The following TTC34 variants were observed in gnomAD, a reference collection of about 807,000 sequenced individuals.
The protein encoded by TTC34 is tetratricopeptide repeat domain 34.
In TTC34, 44 loss-of-function variants were observed where a neutral mutation model predicts 40.7. The observed-to-expected ratio is 1.08, with a 90% CI of 0.85 to 1.39. TTC34 has a LOEUF of 1.39. Ranked by LOEUF, TTC34 falls within the 40% of genes most tolerant of loss-of-function variation. The probability of loss-of-function intolerance (pLI) is 0.00; values close to 1 mark genes in which losing one functional copy is unlikely to be tolerated. For synonymous variants in TTC34, 422 were observed against 398.6 expected (o/e 1.06, Z -0.70); for missense variants, 884 against 838.0 (o/e 1.05, Z -0.68).
chr1:2,695,796 C>A (rs542125680), intron 6 of TTC34, among the ~76,000 whole-genome samples: 1,020 of 148,254 alleles, frequency 6.9e-3, no homozygotes, highest in African/African-American at 0.025. Flanking sequence ...GCACGCACAC[C>A]CCCAGTTGAG....
chr1:2,757,826 C>T (rs1641556845), intron 6 of TTC34, among the ~76,000 whole-genome samples: 1 of 148,808 alleles, frequency 6.7e-6, no homozygotes, highest in Non-Finnish European at 1.5e-5. Context: ...GGAGCAGCAC[C>T]CACACCCCCA....
Position 2,797,309 on chromosome 1 carries a change from G to A in TTC34, c.784+2735C>T, listed in dbSNP as rs532530992. ...CAGATGTCTGCTGGCCTGGGATGGG[G>A]GCTGGGGCACGAGGAAAGGGCAGGG... is the stretch of plus-strand genomic sequence containing the variant. On this transcript the variant is annotated intron_variant, in intron 2 of 8. Coordinates refer to ENST00000401095, the Ensembl canonical transcript of TTC34. 3.3e-5 allele frequency among the ~76,000 whole-genome samples: 5 copies of A among 152,180 alleles called. No homozygotes were observed. In the South Asian group the frequency reaches 6.2e-4, roughly 19 times the overall value.
chr1:2,684,630 T>A (rs1175584799), intron 6 of TTC34, among the ~76,000 whole-genome samples: 2 of 23,842 alleles, frequency 8.4e-5, no homozygotes, highest in African/African-American at 2.1e-4. Context: ...TGGAATGGCA[T>A]CCTCACCTCC....
intron 6 of TTC34, among the ~76,000 whole-genome samples, chr1:2,767,809 C>G (rs1350097187): frequency 6.6e-6 from 1 of 150,684 alleles, no homozygotes; most frequent in East Asian, 2.0e-4. Flanking sequence ...ACCCACACTC[C>G]CAGGTGAGCA....
intron 6 of TTC34, among the ~76,000 whole-genome samples, chr1:2,769,568 A>G (rs1400849382): frequency 1.7e-5 from 2 of 117,626 alleles, no homozygotes; most frequent in East Asian, 3.0e-4. Context: ...AGCATCTGAC[A>G]TCCTGGAACA....
At chr1:2,769,667 T>C (rs1396942429) in intron 6 of TTC34, among the ~76,000 whole-genome samples, 125 of 17,036 alleles carry the variant, frequency 7.3e-3, no homozygotes, top group African/African-American at 0.011. Context: ...AGCAGCACCC[T>C]ACACCCCCAG....
At chr1:2,786,020 C>T (rs1643583517) in exon 5 of TTC34, 2 of 1,466,132 alleles carry the variant, frequency 1.4e-6, no homozygotes, top group African/African-American at 1.4e-5. Flanking sequence ...AGCTTCTTCA[C>T]CAACTGCAAG....
intron 1 of TTC34, among the ~76,000 whole-genome samples, chr1:2,801,171 G>A (rs1043148685): frequency 2.0e-5 from 3 of 152,086 alleles, no homozygotes; most frequent in East Asian, 1.9e-4. Context: ...TGTCCATGTC[G>A]GGAGGGTTAC....
chr1:2,799,943 A>G, intron 2 of TTC34, 101 bp downstream of exon 2: 1 of 398,080 alleles, frequency 2.5e-6, no homozygotes, highest in Non-Finnish European at 4.4e-6. Flanking sequence ...CCCCAGCCCC[A>G]GCACAGCCTC....
chr1:2,689,996 CAG>C, intron 6 of TTC34, among the ~76,000 whole-genome samples: 1 of 137,446 alleles, frequency 7.3e-6, no homozygotes, highest in Non-Finnish European at 1.5e-5. Context: ...GAGCATCTGA[CAG>C]CCTGGAACAG....
At chr1:2,644,504 C>A (rs1638979399) in intron 7 of TTC34, 26 bp from the exon 8 acceptor site, 2 of 1,526,144 alleles carry the variant, frequency 1.3e-6, no homozygotes, top group Non-Finnish European at 1.8e-6. Flanking sequence ...GAGGGACAGT[C>A]AGTGTGTGGG....
At chr1:2,641,974 C>G (rs1638917517) in intron 8 of TTC34, 79 bp from the exon 9 acceptor site, 7 of 1,374,094 alleles carry the variant, frequency 5.1e-6, no homozygotes, top group Non-Finnish European at 6.7e-6. Flanking sequence ...TGCAGAGGTC[C>G]TCTGCACAGC....
intron 6 of TTC34, among the ~76,000 whole-genome samples, chr1:2,657,405 G>C (rs1402319280): frequency 3.3e-5 from 3 of 91,680 alleles, no homozygotes; most frequent in East Asian, 4.9e-4. Flanking sequence ...CTGACCTCCC[G>C]GAGCAGTACC....
At chr1:2,777,606 C>T (rs906696236) in intron 6 of TTC34, among the ~76,000 whole-genome samples, 3 of 150,186 alleles carry the variant, frequency 2.0e-5, no homozygotes, top group Non-Finnish European at 3.0e-5. Flanking sequence ...GAGGGGCCTG[C>T]TGCTGAGCCC....
chr1:2,750,832 G>T (rs1388380690), intron 6 of TTC34, among the ~76,000 whole-genome samples: 21 of 127,902 alleles, frequency 1.6e-4, no homozygotes, highest in East Asian at 1.1e-3. Context: ...TGACAGCCTG[G>T]AGCAGTACCC....
chr1:2,676,933 G>C (rs1407651499), intron 6 of TTC34, among the ~76,000 whole-genome samples: 1 of 147,850 alleles, frequency 6.8e-6, no homozygotes, highest in Admixed American at 6.6e-5. Context: ...CACACCCCCA[G>C]GTGAGCATCT....
At chr1:2,686,753 G>A (rs1220591580) in intron 6 of TTC34, among the ~76,000 whole-genome samples, 9 of 144,138 alleles carry the variant, frequency 6.2e-5, no homozygotes, top group Admixed American at 1.4e-4. Flanking sequence ...GCCTGGAACG[G>A]CACCCACACC....
chr1:2,677,922 G>A (rs1229603963), intron 6 of TTC34, among the ~76,000 whole-genome samples: 11 of 33,242 alleles, frequency 3.3e-4, no homozygotes, highest in East Asian at 2.9e-3. Context: ...GCCTGGAGCA[G>A]CACCCTGCAC....
chr1:2,691,901 G>A (rs1179870817), intron 6 of TTC34, among the ~76,000 whole-genome samples: 1 of 53,680 alleles, frequency 1.9e-5, no homozygotes, highest in African/African-American at 5.7e-5. Flanking sequence ...GCAGCAACCT[G>A]CACACCCAGG....
Sources: allele counts gnomAD v4.1 joint callset (sites outside exome capture counted in the v4.1 genomes callset), GRCh38; gene constraint gnomAD v4.1.1; transcripts MANE v1.5; gene names NCBI Gene and HGNC (gene_info 2026-07-23, HGNC 2026-07-21).